Variants in SORCS2 observed in about 807,000 individuals in gnomAD.
SORCS2 encodes the protein sortilin related VPS10 domain containing receptor 2.
A neutral mutation model predicts 141.6 loss-of-function variants in SORCS2; 100 were observed. That is an observed-to-expected ratio of 0.71 (90% CI 0.60 to 0.83). The LOEUF (loss-of-function observed/expected upper bound fraction) is 0.83. SORCS2 is among the 40% of genes least tolerant of loss of function. The probability of loss-of-function intolerance (pLI) is 0.00; values close to 1 mark genes in which losing one functional copy is unlikely to be tolerated. For synonymous variants in SORCS2, 789 were observed against 676.9 expected (o/e 1.17, Z -2.57); for missense variants, 1,646 against 1,560.2 (o/e 1.05, Z -0.93).
chr4:7,632,126 A>G (rs1038827433), intron 3 of SORCS2, among the ~76,000 whole-genome samples: 24 of 152,206 alleles, frequency 1.6e-4, no homozygotes, highest in Admixed American at 6.5e-5. Flanking sequence ...ATGTATTAAA[A>G]TAAGGGACTC....
chr4:7,629,908 T>C (rs956211648), intron 3 of SORCS2, among the ~76,000 whole-genome samples: 6 of 152,120 alleles, frequency 3.9e-5, no homozygotes, highest in Non-Finnish European at 8.8e-5. Context: ...TGAAACTTAG[T>C]GTGCTCTTGT....
intron 4 of SORCS2, among the ~76,000 whole-genome samples, chr4:7,653,842 C>A (rs919187403): frequency 6.6e-6 from 1 of 152,218 alleles, no homozygotes; most frequent in Non-Finnish European, 1.5e-5. Context: ...ATTATAAAGT[C>A]CCTCCCACCT....
At chr4:7,468,171 G>A (rs999165097) in intron 2 of SORCS2, among the ~76,000 whole-genome samples, 22 of 152,194 alleles carry the variant, frequency 1.4e-4, no homozygotes, top group African/African-American at 5.3e-4. Flanking sequence ...GGTTCTCCTT[G>A]TTCCCCCTAA....
At chr4:7,399,191 G>T (rs1336257018) in intron 2 of SORCS2, among the ~76,000 whole-genome samples, 1 of 152,164 alleles carries the variant, frequency 6.6e-6, no homozygotes, top group Non-Finnish European at 1.5e-5. Flanking sequence ...GGAAGATGGT[G>T]CTAAGAGTTG....
intron 2 of SORCS2, among the ~76,000 whole-genome samples, chr4:7,447,885 C>A (rs537259627): frequency 5.3e-5 from 8 of 152,302 alleles, no homozygotes; most frequent in Non-Finnish European, 1.2e-4. Flanking sequence ...ACTGCAGATA[C>A]GGCAGAGGTG....
chr4:7,333,275 G>A (rs913631516), intron 1 of SORCS2, among the ~76,000 whole-genome samples: 14 of 152,190 alleles, frequency 9.2e-5, no homozygotes, highest in African/African-American at 2.7e-4. Flanking sequence ...CCTCTGCCCC[G>A]GGGCTGGAGT....
chr4:7,420,741 A>T (rs1246941479), intron 2 of SORCS2, among the ~76,000 whole-genome samples: 1 of 152,170 alleles, frequency 6.6e-6, no homozygotes, highest in African/African-American at 2.4e-5. Context: ...ACTCCGTGGG[A>T]TTCAGGACCC....
In SORCS2 at chr4:7,314,634, C is replaced by T. The variant is rs150444510; in HGVS notation, c.481-81654C>T. Reference sequence around the variant, plus strand: ...GATTACAGGCGTGAGCCACCGCACCCGGCCAATCATGGACTTTCTTAATAC... The same window carrying T: ...GATTACAGGCGTGAGCCACCGCACCTGGCCAATCATGGACTTTCTTAATAC... On this transcript the variant is annotated intron_variant, in intron 1 of 26. Coordinates refer to ENST00000507866, the MANE Select transcript of SORCS2 (RefSeq NM_020777.3). Among the ~76,000 whole-genome samples, 27 of 151,930 alleles carry T rather than the reference C, an allele frequency of 1.8e-4. No homozygotes were observed. The East Asian group carries it at 3.9e-3, about 22-fold the overall frequency.
chr4:7,671,913 AC>A (rs1258538682), intron 8 of SORCS2, among the ~76,000 whole-genome samples: 1 of 151,708 alleles, frequency 6.6e-6, no homozygotes, highest in South Asian at 2.1e-4. Flanking sequence ...ACACCAAGAC[AC>A]ATAACCAAAC....
intron 1 of SORCS2, among the ~76,000 whole-genome samples, chr4:7,316,708 A>G (rs1271484550): frequency 2.0e-5 from 3 of 152,224 alleles, no homozygotes; most frequent in Non-Finnish European, 4.4e-5. Context: ...TTCTGTTCAT[A>G]GTAGAAATAA....
intron 5 of SORCS2, among the ~76,000 whole-genome samples, chr4:7,656,444 G>A (rs1047942363): frequency 2.6e-5 from 4 of 152,260 alleles, no homozygotes; most frequent in Admixed American, 2.0e-4. Flanking sequence ...CATCCCCACA[G>A]CAGCCCATGC....
At chr4:7,434,322 G>T in intron 2 of SORCS2, 1 of 1,611,396 alleles carries the variant, frequency 6.2e-7, no homozygotes, top group Non-Finnish European at 8.5e-7. Flanking sequence ...GCCGTACACA[G>T]TCTTGGCACA....
chr4:7,700,181 T>C (rs1400709200), intron 12 of SORCS2, among the ~76,000 whole-genome samples: 1 of 152,232 alleles, frequency 6.6e-6, no homozygotes, highest in Non-Finnish European at 1.5e-5. Context: ...AAGTTCCACT[T>C]GCCCTGTGAA....
intron 18 of SORCS2, among the ~76,000 whole-genome samples, chr4:7,723,300 G>A (rs550627580): frequency 1.1e-4 from 17 of 152,218 alleles, no homozygotes; most frequent in South Asian, 2.1e-4. Context: ...CTCCCCTGCC[G>A]AAACCCTCCT....
At chr4:7,327,251 G>C (rs181557399) in intron 1 of SORCS2, among the ~76,000 whole-genome samples, 206 of 152,340 alleles carry the variant, frequency 1.4e-3, no homozygotes, top group African/African-American at 4.8e-3. Flanking sequence ...GGCCTCCCAG[G>C]AGTCAGGAGG....
chr4:7,329,414 G>T (rs975692090), intron 1 of SORCS2, among the ~76,000 whole-genome samples: 2 of 152,214 alleles, frequency 1.3e-5, no homozygotes, highest in East Asian at 1.9e-4. Context: ...GCCACCCTGA[G>T]CCACGGTGGC....
chr4:7,323,359 G>A (rs1273444565), intron 1 of SORCS2, among the ~76,000 whole-genome samples: 1 of 152,218 alleles, frequency 6.6e-6, no homozygotes, highest in Non-Finnish European at 1.5e-5. Context: ...ATGGCTTTCT[G>A]TGGATGCTGG....
Position 7,363,388 on chromosome 4 carries a change from CT to C in SORCS2, c.481-32899del, listed in dbSNP as rs762587610. Among the ~76,000 whole-genome samples, 121 of 152,248 alleles carry C rather than the reference CT, an allele frequency of 7.9e-4. 1 individual carries two copies. In the East Asian group the frequency reaches 0.017, roughly 21 times the overall value. ...ATCACCACTATCACCACCGTCATTG[CT>C]ACCAACACCATCACTGTCACCATAA... On this transcript the variant is annotated intron_variant, in intron 1 of 26. Transcript: ENST00000507866.
rs75692694 is a variant in SORCS2, at chr4:7,718,351, G to A, written c.2424+168G>A. On this transcript the variant is annotated intron_variant, in intron 18 of 26. Coordinates refer to ENST00000507866, the MANE Select transcript of SORCS2 (RefSeq NM_020777.3). ...GGAGGCAGCAGGGGGCTGGAAATCC[G>A]CTTCCCGAGTCGAGACCAGCATTTA... Among the ~76,000 whole-genome samples the A allele has an allele frequency of 7.6e-3, 1,153 of 152,282 alleles. 10 individuals carry two copies. Among genetic ancestry groups the A allele is most frequent in the African/African-American group, 0.026 (1,061 of 41,524 alleles).
Sources: allele counts gnomAD v4.1 joint callset (sites outside exome capture counted in the v4.1 genomes callset), GRCh38; gene constraint gnomAD v4.1.1; transcripts MANE v1.5; gene names NCBI Gene and HGNC (gene_info 2026-07-23, HGNC 2026-07-21).